Variants in CRB1 observed in about 807,000 individuals in gnomAD.
CRB1 encodes the protein protein crumbs homolog 1.
In CRB1, 83 loss-of-function variants were observed where a neutral mutation model predicts 120.0. The ratio of observed to expected loss-of-function variants is 0.69; its 90% confidence interval spans 0.58 to 0.83. The LOEUF (loss-of-function observed/expected upper bound fraction) is 0.83. CRB1 is among the 40% of genes least tolerant of loss of function. The probability of loss-of-function intolerance (pLI) is 0.00; values close to 1 mark genes in which losing one functional copy is unlikely to be tolerated. For missense variants in CRB1, 1,699 were observed against 1,687.6 expected (o/e 1.01, Z -0.12); for synonymous variants, 625 against 612.5 (o/e 1.02, Z -0.30).
At chr1:197,277,282 C>T (rs1316180447) in intron 1 of CRB1, among the ~76,000 whole-genome samples, 2 of 151,928 alleles carry the variant, frequency 1.3e-5, no homozygotes, top group Non-Finnish European at 2.9e-5. Context: ...TTTGGTTCTC[C>T]ACGTAATTGT....
chr1:197,455,195 A>G (rs756823966), intron 11 of CRB1, among the ~76,000 whole-genome samples: 4 of 152,312 alleles, frequency 2.6e-5, no homozygotes, highest in African/African-American at 7.2e-5. Flanking sequence ...AGAATGCATT[A>G]TGTTTTACTT....
At chr1:197,201,636 CAG>C in the CRB1 span, among the ~76,000 whole-genome samples, 1 of 152,182 alleles carries the variant, frequency 6.6e-6, no homozygotes, top group African/African-American at 2.4e-5. Flanking sequence ...AGGATGGACG[CAG>C]AGTTTAGAAG....
intron 11 of CRB1, among the ~76,000 whole-genome samples, chr1:197,456,887 A>G (rs1198343021): frequency 1.3e-5 from 2 of 152,152 alleles, no homozygotes; most frequent in Non-Finnish European, 2.9e-5. Context: ...AATTTGCTTA[A>G]AAATCGTAGT....
intron 3 of CRB1, among the ~76,000 whole-genome samples, chr1:197,346,389 A>G (rs754123239): frequency 6.6e-6 from 1 of 152,160 alleles, no homozygotes; most frequent in African/African-American, 2.4e-5. Context: ...CCCTTTGGCA[A>G]CAGGGTTTTT....
At chr1:197,264,778 T>C (rs1317823949), upstream of CRB1, among the ~76,000 whole-genome samples, 1 of 151,584 alleles carries the variant, frequency 6.6e-6, no homozygotes, top group Non-Finnish European at 1.5e-5. Flanking sequence ...GCTGCCACCA[T>C]GCCCGGCTAA....
intron 11 of CRB1, among the ~76,000 whole-genome samples, chr1:197,454,034 G>A (rs1431871432): frequency 3.4e-5 from 5 of 146,644 alleles, no homozygotes; most frequent in African/African-American, 7.6e-5. Context: ...TCATGTTGCC[G>A]AGGCTGGTCT....
chr1:197,343,885 C>T (rs1383108263), intron 2 of CRB1, among the ~76,000 whole-genome samples: 1 of 152,220 alleles, frequency 6.6e-6, no homozygotes, highest in Non-Finnish European at 1.5e-5. Flanking sequence ...ACCCAACTGT[C>T]TGGCTTTGGA....
At position 197,290,477 on chromosome 1, in the gene CRB1, C is replaced by A. The variant is rs184596335; in HGVS notation, c.70+21995C>A. 5.9e-5 allele frequency among the ~76,000 whole-genome samples: 9 copies of A among 151,630 alleles called. No homozygotes were observed. In the East Asian group the frequency reaches 1.8e-3, roughly 30 times the overall value. ...GATTATTTTTTAGGCCTTCTTTTTC[C>A]CTGAACAGCTCAGTTTCACATCCCC... On this transcript the variant is annotated intron_variant, in intron 1 of 11. Coordinates refer to ENST00000367400, the MANE Select transcript of CRB1 (RefSeq NM_201253.3).
At chr1:197,252,174 A>G in the CRB1 span, among the ~76,000 whole-genome samples, 4 of 151,942 alleles carry the variant, frequency 2.6e-5, no homozygotes, top group African/African-American at 9.7e-5. Context: ...CATAGATAAT[A>G]TGTATACAAA....
chr1:197,391,742 C>T (rs1662516803), intron 5 of CRB1, among the ~76,000 whole-genome samples: 2 of 151,840 alleles, frequency 1.3e-5, no homozygotes, highest in Non-Finnish European at 2.9e-5. Context: ...AGTGTGCTGA[C>T]ATAATTGAAA....
At chr1:197,471,909 T>G (rs1666994924) in intron 11 of CRB1, among the ~76,000 whole-genome samples, 1 of 152,244 alleles carries the variant, frequency 6.6e-6, no homozygotes, top group East Asian at 1.9e-4. Context: ...TCACAAGAAC[T>G]GCTCTCCAAA....
chr1:197,337,218 A>G (rs1199175948), intron 2 of CRB1, among the ~76,000 whole-genome samples: 5 of 152,158 alleles, frequency 3.3e-5, no homozygotes, highest in Admixed American at 3.3e-4. Context: ...AGAAATTATA[A>G]TCTATGAGCC....
chr1:197,438,151 A>G (rs1665250524), intron 9 of CRB1: 2 of 273,488 alleles, frequency 7.3e-6, no homozygotes, highest in South Asian at 8.1e-5. Context: ...GTGCTTGGGT[A>G]GTAGAGTGCT....
At chr1:197,390,675 A>G (rs1014458381) in intron 5 of CRB1, among the ~76,000 whole-genome samples, 9 of 152,160 alleles carry the variant, frequency 5.9e-5, no homozygotes, top group African/African-American at 1.9e-4. Flanking sequence ...ATTTTAAACC[A>G]GAGTAAATAT....
intron 4 of CRB1, among the ~76,000 whole-genome samples, chr1:197,354,294 C>T (rs1341448574): frequency 6.6e-6 from 1 of 152,140 alleles, no homozygotes; most frequent in Non-Finnish European, 1.5e-5. Context: ...TAGGCATAAA[C>T]TGTAGGGTTA....
At chr1:197,463,371 A>AAC (rs977101298) in intron 11 of CRB1, among the ~76,000 whole-genome samples, 1 of 152,104 alleles carries the variant, frequency 6.6e-6, no homozygotes, top group Non-Finnish European at 1.5e-5. Flanking sequence ...AAAAAAACAA[A>AAC]ACACACACAC....
At chr1:197,280,807 A>G (rs1339900903) in intron 1 of CRB1, among the ~76,000 whole-genome samples, 1 of 151,898 alleles carries the variant, frequency 6.6e-6, no homozygotes, top group Non-Finnish European at 1.5e-5. Flanking sequence ...GTAAACTCAT[A>G]TTTATGAAGA....
At chr1:197,306,306 G>A (rs942517163) in intron 1 of CRB1, among the ~76,000 whole-genome samples, 5 of 152,078 alleles carry the variant, frequency 3.3e-5, no homozygotes, top group East Asian at 1.9e-4. Flanking sequence ...AAGAAAAGTC[G>A]TGAAAACAGT....
intron 1 of CRB1, among the ~76,000 whole-genome samples, chr1:197,282,815 T>G (rs970140035): frequency 5.9e-5 from 9 of 151,952 alleles, no homozygotes; most frequent in African/African-American, 2.2e-4. Flanking sequence ...TGAAAAAGGT[T>G]GGACCTTTCT....
Sources: allele counts gnomAD v4.1 joint callset (sites outside exome capture counted in the v4.1 genomes callset), GRCh38; gene constraint gnomAD v4.1.1; transcripts MANE v1.5; gene names NCBI Gene and HGNC (gene_info 2026-07-23, HGNC 2026-07-21).